Variants in AFF1 observed in about 807,000 individuals in gnomAD.
AFF1 encodes the protein AF4/FMR2 family member 1.
Under a neutral mutation model 121.7 loss-of-function variants are expected in AFF1, and 48 were observed. That is an observed-to-expected ratio of 0.39 (90% CI 0.31 to 0.50). The LOEUF is 0.50. Among genes scored for constraint, AFF1 ranks in the 20% least tolerant of loss-of-function variants. The pLI, the probability that AFF1 is intolerant of heterozygous loss-of-function variation, is 0.76. For missense variants in AFF1, 1,523 were observed against 1,511.7 expected (o/e 1.01, Z -0.12); for synonymous variants, 613 against 563.0 (o/e 1.09, Z -1.26).
chr4:87,025,655 G>T (rs942080703), intron 2 of AFF1, among the ~76,000 whole-genome samples: 1 of 152,136 alleles, frequency 6.6e-6, no homozygotes, highest in African/African-American at 2.4e-5. Context: ...CGCCTGGGAG[G>T]GGGGTGTGCT....
At chr4:87,074,594 A>C (rs565470143) in intron 4 of AFF1, among the ~76,000 whole-genome samples, 1 of 152,358 alleles carries the variant, frequency 6.6e-6, no homozygotes, top group Non-Finnish European at 1.5e-5. Context: ...AAGTGAGTTT[A>C]AACCTATCCC....
intron 2 of AFF1, among the ~76,000 whole-genome samples, chr4:86,997,312 A>G (rs1451834259): frequency 1.3e-5 from 2 of 152,224 alleles, no homozygotes; most frequent in Non-Finnish European, 2.9e-5. Flanking sequence ...CCCACCAGCA[A>G]GAAGGCTTTC....
chr4:87,063,865 A>G (rs1158840620), intron 4 of AFF1, among the ~76,000 whole-genome samples: 1 of 152,222 alleles, frequency 6.6e-6, no homozygotes, highest in East Asian at 1.9e-4. Context: ...AGTAGTCTGT[A>G]TAGATGTTAC....
chr4:87,114,770 C>T lies in AFF1; in HGVS notation c.1937C>T (p.Ser646Phe), dbSNP rs757785597. ...CCCTATGGCTCCCGAGACCAGACTT[C>T]CAAAGACAAGCCCAAGGTGAAGACG... Reference protein sequence around the residue: ...LLPYGSRDQTSKDKPKVKTKG... With the variant: ...LLPYGSRDQTFKDKPKVKTKG... Residue 646 changes from serine to phenylalanine, a missense_variant, in exon 12 of 21, where the codon TCC becomes TTC. By Grantham distance (155) the Ser-to-Phe change is radical. Around this residue, in one of 5 missense-constraint regions of AFF1, gnomAD observed 905 missense variants for 842.5 expected, o/e 1.07. Coordinates refer to ENST00000395146, the MANE Select transcript of AFF1 (RefSeq NM_001166693.3). The T allele has an allele frequency of 6.2e-7, 1 of 1,613,264 alleles. No individual in the cohort carries two copies. The highest frequency in any genetic ancestry group is 8.5e-7 in the Non-Finnish European group (1 of 1,179,742).
intron 2 of AFF1, among the ~76,000 whole-genome samples, chr4:86,964,851 T>C (rs1722424904): frequency 6.6e-6 from 1 of 152,232 alleles, no homozygotes; most frequent in Non-Finnish European, 1.5e-5. Flanking sequence ...TAATAAAACA[T>C]TTAGTAATTA....
At chr4:87,114,279 A>G in intron 11 of AFF1, 88 bp from the exon 12 acceptor site, 1 of 1,197,414 alleles carries the variant, frequency 8.4e-7, no homozygotes, top group Non-Finnish European at 1.2e-6. Context: ...CCTCTGCAGG[A>G]CAGTGTTGTA....
intron 12 of AFF1, 58 bp downstream of exon 12, chr4:87,115,357 C>T (rs376274859): frequency 3.9e-5 from 56 of 1,449,120 alleles, no homozygotes; most frequent in Admixed American, 1.2e-4. Flanking sequence ...GTTGGCCTGG[C>T]GGTATCTTTG....
chr4:86,985,894 C>T (rs891962865), intron 2 of AFF1, among the ~76,000 whole-genome samples: 1 of 148,872 alleles, frequency 6.7e-6, no homozygotes, highest in Admixed American at 6.8e-5. Flanking sequence ...ATAACATTAT[C>T]ATTTTGCATC....
intron 19 of AFF1, 70 bp downstream of exon 19, chr4:87,132,478 ACCAT>A (rs1728926142): frequency 8.6e-6 from 13 of 1,504,728 alleles, no homozygotes; most frequent in African/African-American, 1.4e-5. Flanking sequence ...TGCTTTTGCA[ACCAT>A]TTGTATGCTT....
At chr4:87,095,068 C>G in intron 8 of AFF1, 99 bp downstream of exon 8, 1 of 1,141,152 alleles carries the variant, frequency 8.8e-7, no homozygotes. Context: ...TATGTAATGA[C>G]ATTAATAAGA....
chr4:86,948,155 C>T (rs562233577), intron 1 of AFF1, among the ~76,000 whole-genome samples: 2 of 152,122 alleles, frequency 1.3e-5, no homozygotes, highest in South Asian at 4.1e-4. Context: ...AATGAAATGC[C>T]ATTTTTAAAA....
At position 87,114,740 on chromosome 4, in the gene AFF1, T is replaced by C; in HGVS notation, c.1907T>C (p.Leu636Pro). 1 of 1,613,698 alleles carries C rather than the reference T, an allele frequency of 6.2e-7. No homozygotes were observed. The highest frequency in any genetic ancestry group is 8.5e-7 in the Non-Finnish European group (1 of 1,179,920). ...TSLQGEREPG[L>P]LPYGSRDQTS... ...CTGCAGGGGGAAAGGGAGCCAGGGC[T>C]TCTTCCCTATGGCTCCCGAGACCAG... The change falls in exon 12 of 21, where the codon CTT becomes CCT. Residue 636 changes from leucine (L) to proline (P), a missense_variant. Physicochemically the swap from Leu to Pro is moderately conservative, Grantham distance 98. Around this residue, in one of 5 missense-constraint regions of AFF1, gnomAD observed 905 missense variants for 842.5 expected, o/e 1.07. Transcript: ENST00000395146.
chr4:87,103,929 G>A (rs1236686611), intron 8 of AFF1, among the ~76,000 whole-genome samples: 1 of 152,154 alleles, frequency 6.6e-6, no homozygotes, highest in Non-Finnish European at 1.5e-5. Context: ...CACTTTGCCA[G>A]ATTTTTTTCT....
chr4:87,129,620 G>C (rs192579299), intron 16 of AFF1, among the ~76,000 whole-genome samples: 15 of 152,320 alleles, frequency 9.8e-5, no homozygotes, highest in Admixed American at 6.5e-4. Context: ...ATACTCATTT[G>C]ATTTTTGTTC....
chr4:87,080,611 G>T (rs1723068244), intron 4 of AFF1, among the ~76,000 whole-genome samples: 1 of 152,200 alleles, frequency 6.6e-6, no homozygotes, highest in Non-Finnish European at 1.5e-5. Context: ...GAGGTAGGAG[G>T]ATGACTTGAG....
At chr4:86,988,077 G>A (rs570966754) in intron 2 of AFF1, among the ~76,000 whole-genome samples, 2 of 149,914 alleles carry the variant, frequency 1.3e-5, no homozygotes, top group African/African-American at 4.9e-5. Flanking sequence ...TACTTATGGA[G>A]TTACATATAC....
At chr4:87,080,388 G>A (rs954491934) in intron 4 of AFF1, among the ~76,000 whole-genome samples, 13 of 152,356 alleles carry the variant, frequency 8.5e-5, no homozygotes, top group Non-Finnish European at 1.5e-4. Context: ...TACATTGAAT[G>A]TCTTCAGCCT....
intron 2 of AFF1, among the ~76,000 whole-genome samples, chr4:87,029,058 T>A (rs1728813038): frequency 6.6e-6 from 1 of 152,174 alleles, no homozygotes; most frequent in Admixed American, 6.5e-5. Context: ...GGTCTGTAAA[T>A]AACCAGGGGC....
At chr4:87,123,514 G>A (rs536066871) in intron 12 of AFF1, among the ~76,000 whole-genome samples, 59 of 152,128 alleles carry the variant, frequency 3.9e-4, no homozygotes, top group African/African-American at 1.3e-3. Flanking sequence ...TGCACATGCC[G>A]CAAGATTAAA....
Sources: allele counts gnomAD v4.1 joint callset (sites outside exome capture counted in the v4.1 genomes callset), GRCh38; gene constraint gnomAD v4.1.1; regional missense constraint gnomAD v4.1.1; transcripts MANE v1.5; gene names NCBI Gene and HGNC (gene_info 2026-07-23, HGNC 2026-07-21).